FOXJ2: variants seen among roughly 807,000 people sequenced by gnomAD.
FOXJ2 encodes the protein forkhead box J2.
FOXJ2 carries 18 observed loss-of-function variants against 68.4 expected under a neutral mutation model. That is an observed-to-expected ratio of 0.26 (90% CI 0.18 to 0.39). The LOEUF (loss-of-function observed/expected upper bound fraction) is 0.39. FOXJ2 is among the 10% of genes least tolerant of loss of function. The pLI, the probability that FOXJ2 is intolerant of heterozygous loss-of-function variation, is 1.00. For missense variants in FOXJ2, 670 were observed against 726.5 expected (o/e 0.92, Z 0.89); for synonymous variants, 274 against 263.2 (o/e 1.04, Z -0.40).
chr12:8,041,262 C>T (rs1399432377), intron 2 of FOXJ2, among the ~76,000 whole-genome samples: 2 of 151,650 alleles, frequency 1.3e-5, no homozygotes, highest in Non-Finnish European at 2.9e-5. Flanking sequence ...AGTTTAGTGG[C>T]GTGATATCAG....
chr12:8,033,195 G>T lies in FOXJ2; in HGVS notation c.-653G>T. The T allele has an allele frequency of 7.5e-6, 2 of 265,238 alleles. No individual in the cohort carries two copies. Among genetic ancestry groups the T allele is most frequent in the East Asian group, 1.3e-4 (2 of 15,238 alleles). The allele number at this position is 265,238 out of a possible 1,614,324, so 16.4% of individuals were successfully genotyped here. On this transcript the variant is annotated 5_prime_UTR_variant, in exon 1 of 11. Coordinates refer to ENST00000162391, the MANE Select transcript of FOXJ2 (RefSeq NM_018416.3). ...GGAGCTTTCCGTAGGGAAGCAGAGT[G>T]AGACCACCCTAGCGCGCCCCCGCCC...
rs960498231 is a variant in FOXJ2 at position 8,054,451 on chromosome 12, C to A, written c.*1601C>A. On this transcript the variant is annotated 3_prime_UTR_variant, in exon 11 of 11. Transcript: ENST00000162391. ...TTTTCATGCATATTATTTTATTTACCCATAATTTCCAAGAGGTTTGGCGTT... is the reference window on the plus strand; with the variant it reads ...TTTTCATGCATATTATTTTATTTACACATAATTTCCAAGAGGTTTGGCGTT... 2.6e-5 allele frequency: 4 copies of A among 152,280 alleles called. No homozygotes were observed. In the East Asian group the frequency reaches 5.8e-4, roughly 22 times the overall value. 9.4% of individuals were successfully genotyped at this position (152,280 alleles called of 1,614,324 possible). A position where few individuals can be genotyped will look rare whatever the true frequency, so the allele number is the denominator to read the frequency against.
chr12:8,050,461 C>G, intron 9 of FOXJ2, 61 bp from the exon 10 acceptor site: 1 of 1,577,022 alleles, frequency 6.3e-7, no homozygotes, highest in Non-Finnish European at 8.6e-7. Context: ...TTCTTCCCTG[C>G]TTTGTTGAGT....
chr12:8,035,042 C>T lies in FOXJ2; in HGVS notation c.-15+1209C>T, dbSNP rs1304256692. On this transcript the variant is annotated intron_variant, in intron 1 of 10. Transcript: ENST00000162391. The surrounding 1 kb of genome is among the most constrained non-coding windows in gnomAD (Gnocchi z 4.0). ...TTCATATTTCCTCCTCTCTCTGGGG[C>T]ATGGGTGAGGTCTACCTAAATTCCT... Among the ~76,000 whole-genome samples the T allele has an allele frequency of 6.6e-6, 1 of 152,224 alleles. No individual in the cohort carries two copies. The highest frequency in any genetic ancestry group is 1.5e-5 in the Non-Finnish European group (1 of 68,040).
rs1448783317 is a variant in FOXJ2, at chr12:8,035,201, G to A, written c.-15+1368G>A. On this transcript the variant is annotated intron_variant, in intron 1 of 10. Transcript: ENST00000162391. This position sits in a 1 kb window ranked among gnomAD's most constrained non-coding sequence, Gnocchi z 4.0. Reference sequence around the variant, plus strand: ...GTGGCTCTCTGTTTCAAGTGGGTATGTGTGTGGAGACAGGTACTTATGTGC... The same window carrying A: ...GTGGCTCTCTGTTTCAAGTGGGTATATGTGTGGAGACAGGTACTTATGTGC... Among the ~76,000 whole-genome samples the A allele has an allele frequency of 6.6e-6, 1 of 152,200 alleles. No homozygotes were observed. Among genetic ancestry groups the A allele is most frequent in the Non-Finnish European group, 1.5e-5 (1 of 68,030 alleles).
intron 6 of FOXJ2, 26 bp downstream of exon 6, chr12:8,044,984 A>G (rs372179724): frequency 9.1e-4 from 1,459 of 1,598,792 alleles, no homozygotes; most frequent in Non-Finnish European, 1.2e-3. Context: ...GGATGGGTGC[A>G]GGGAGACTTT....
At chr12:8,051,193 G>A (rs762656207) in intron 10 of FOXJ2, among the ~76,000 whole-genome samples, 4 of 144,166 alleles carry the variant, frequency 2.8e-5, no homozygotes, top group Non-Finnish European at 4.5e-5. Context: ...ACAGTGGTGC[G>A]ATCTCAGCTC....
intron 3 of FOXJ2, among the ~76,000 whole-genome samples, chr12:8,043,395 C>T (rs1044110666): frequency 4.6e-5 from 7 of 151,914 alleles, no homozygotes; most frequent in Non-Finnish European, 8.8e-5. Context: ...CCTGGTGTTT[C>T]CCCCGTAAAA....
intron 8 of FOXJ2, 111 bp from the exon 9 acceptor site, chr12:8,049,251 C>T (rs1007316682): frequency 6.4e-6 from 5 of 776,282 alleles, no homozygotes; most frequent in East Asian, 2.5e-5. Context: ...TGTTAGTGCC[C>T]GTTATCAGTG....
At chr12:8,050,389 TG>T (rs1947100516) in intron 9 of FOXJ2, 132 bp from the exon 10 acceptor site, 76 of 1,418,914 alleles carry the variant, frequency 5.4e-5, no homozygotes, top group Middle Eastern at 2.6e-4. Context: ...CCTTCATGCC[TG>T]CAGGAGCTAC....
chr12:8,044,808 C>T lies in FOXJ2; in HGVS notation c.667C>T (p.Arg223Ter), dbSNP rs745880833. The change falls in exon 6 of 11, where the codon CGA becomes TGA. Residue 223 changes from arginine to a stop codon, truncating the protein, a stop_gained. Coordinates refer to ENST00000162391, the MANE Select transcript of FOXJ2 (RefSeq NM_018416.3). LOFTEE classifies it high-confidence loss of function. ...GGAVAAGASGRESAEGPPPLY... is the reference protein window; with the variant it reads ...GGAVAAGASG ...AGCAGTGGCAGCAGGGGCTTCAGGC[C>T]GAGAAAGTGCTGAGGGTCCCCCTCC... 2 of 1,613,904 alleles carry T rather than the reference C, an allele frequency of 1.2e-6. No individual in the cohort carries two copies. Among genetic ancestry groups the T allele is most frequent in the Non-Finnish European group, 8.5e-7 (1 of 1,179,856 alleles).
At chr12:8,050,172 C>A in intron 9 of FOXJ2, 1 of 262,776 alleles carries the variant, frequency 3.8e-6, no homozygotes, top group Non-Finnish European at 6.5e-6. Flanking sequence ...GCTGGGGTTT[C>A]ACCGTGTCGC....
At chr12:8,044,695 A>G in intron 5 of FOXJ2, 65 bp from the exon 6 acceptor site, 3 of 1,566,132 alleles carry the variant, frequency 1.9e-6, no homozygotes, top group Non-Finnish European at 2.6e-6. Flanking sequence ...CCTGGTGACC[A>G]TTGAAGGGTT....
In FOXJ2 at chr12:8,055,177, T is replaced by A. The variant is rs748157302; in HGVS notation, c.*2327T>A. On this transcript the variant is annotated 3_prime_UTR_variant, in exon 11 of 11. Transcript: ENST00000162391. ...GAAATGAAAAGAATACTACTTTTTC[T>A]TGTTGGTCTAGCATTGCTGGACACA... is the stretch of plus-strand genomic sequence containing the variant. 3.3e-5 allele frequency: 5 copies of A among 152,716 alleles called. No homozygotes were observed. The highest frequency in any genetic ancestry group is 7.3e-5 in the Non-Finnish European group (5 of 68,056). The allele number at this position is 152,716 out of a possible 1,614,324, so 9.5% of individuals were successfully genotyped here. A position where few individuals can be genotyped will look rare whatever the true frequency, so the allele number is the denominator to read the frequency against.
intron 1 of FOXJ2, among the ~76,000 whole-genome samples, chr12:8,034,087 T>C (rs1297812145): frequency 6.6e-6 from 1 of 152,150 alleles, no homozygotes; most frequent in Non-Finnish European, 1.5e-5. Flanking sequence ...GAAGTGGATG[T>C]TTTCATGCTG....
intron 8 of FOXJ2, among the ~76,000 whole-genome samples, chr12:8,049,060 C>T (rs1020550597): frequency 2.6e-5 from 4 of 152,068 alleles, no homozygotes; most frequent in African/African-American, 9.7e-5. Flanking sequence ...ATTTAGAGAC[C>T]GTGGACCACG....
In FOXJ2 at chr12:8,039,936, C is replaced by A; in HGVS notation, c.104C>A (p.Pro35His). The change falls in exon 2 of 11, where the codon CCT (proline) becomes CAT (histidine). Residue 35 changes from proline (P) to histidine (H), a missense_variant. Pro to His is a moderately conservative substitution (Grantham distance 77). This residue lies in a region of FOXJ2 where 115 missense variants were observed against 164.3 expected (regional missense o/e 0.70). Coordinates refer to ENST00000162391, the MANE Select transcript of FOXJ2 (RefSeq NM_018416.3). Reference protein sequence around the residue: ...EKLGSASQAGPPGSSRKCSPG... With the variant: ...EKLGSASQAGHPGSSRKCSPG... ...CTTGGAAGTGCCTCCCAGGCTGGGCCTCCCGGGAGCAGCCGCAAGTGTTCA... is the reference window on the plus strand; with the variant it reads ...CTTGGAAGTGCCTCCCAGGCTGGGCATCCCGGGAGCAGCCGCAAGTGTTCA... 6.2e-7 allele frequency: 1 copy of A among 1,614,112 alleles called. No homozygotes were observed. Among genetic ancestry groups the A allele is most frequent in the Non-Finnish European group, 8.5e-7 (1 of 1,180,036 alleles).
At position 8,039,912 on chromosome 12, in the gene FOXJ2, T is replaced by G. The variant is rs777680047; in HGVS notation, c.80T>G (p.Leu27Arg). Reference sequence around the variant, plus strand: ...ACCCTCCGAGCTACCATTGAGAAGCTTGGAAGTGCCTCCCAGGCTGGGCCT... The same window carrying G: ...ACCCTCCGAGCTACCATTGAGAAGCGTGGAAGTGCCTCCCAGGCTGGGCCT... ...QLTLRATIEK[L>R]GSASQAGPPG... Residue 27 changes from leucine (L) to arginine (R), a missense_variant, in exon 2 of 11, where the codon CTT becomes CGT. Leu to Arg is a moderately radical substitution (Grantham distance 102). Around this residue, in one of 2 missense-constraint regions of FOXJ2, gnomAD observed 115 missense variants for 164.3 expected, o/e 0.70. Transcript: ENST00000162391. The G allele has an allele frequency of 8.7e-6, 14 of 1,614,026 alleles. No individual in the cohort carries two copies. Among genetic ancestry groups the G allele is most frequent in the Admixed American group, 3.3e-5 (2 of 60,014 alleles).
At position 8,052,738 on chromosome 12, in the gene FOXJ2, A is replaced by ACT. The variant is rs754998173; in HGVS notation, c.1637-19_1637-18dup. The ACT allele has an allele frequency of 2.5e-6, 4 of 1,578,106 alleles. No individual in the cohort carries two copies. In the African/African-American group the frequency reaches 5.4e-5, roughly 21 times the overall value. On this transcript the variant is annotated intron_variant, in intron 10 of 10. Coordinates refer to ENST00000162391, the MANE Select transcript of FOXJ2 (RefSeq NM_018416.3). ...ACAGCTTCCCATCCACTCTCCTTTT[A>ACT]CTCTCTTTCTTTCTTTCTAACAGCA...
Sources: gnomAD v4.1 joint callset for allele counts (sites outside exome capture counted in the v4.1 genomes callset) on GRCh38, gnomAD v4.1.1 for gene constraint, gnomAD v4.1.1 regional missense constraint, Gnocchi (gnomAD v3.1) non-coding constraint, MANE v1.5 for transcripts, NCBI Gene and HGNC (gene_info 2026-07-23, HGNC 2026-07-21) for gene names.